Variants in FRMD4A observed in about 807,000 individuals in gnomAD.
FRMD4A encodes FERM domain containing 4A.
Under a neutral mutation model 129.1 loss-of-function variants are expected in FRMD4A, and 29 were observed. That is an observed-to-expected ratio of 0.22 (90% CI 0.17 to 0.31). The LOEUF (loss-of-function observed/expected upper bound fraction) is 0.31, where lower values mean the gene tolerates loss of function less well. Ranked by LOEUF, FRMD4A falls within the 10% of genes least tolerant of loss-of-function variation. The probability of loss-of-function intolerance (pLI) is 1.00; values close to 1 mark genes in which losing one functional copy is unlikely to be tolerated. For missense variants in FRMD4A, 1,272 were observed against 1,375.8 expected (o/e 0.92, Z 1.19); for synonymous variants, 634 against 571.6 (o/e 1.11, Z -1.56).
At chr10:13,814,510 A>AATTGAGGCT (rs1440516720) in intron 3 of FRMD4A, among the ~76,000 whole-genome samples, 1 of 143,612 alleles carries the variant, frequency 7.0e-6, no homozygotes, top group Non-Finnish European at 1.5e-5. Context: ...GAGTCCAGGA[A>AATTGAGGCT]ATTGAGGCTG....
intron 12 of FRMD4A, among the ~76,000 whole-genome samples, chr10:13,731,865 G>A (rs530716690): frequency 2.0e-5 from 3 of 152,102 alleles, no homozygotes; most frequent in South Asian, 2.1e-4. Context: ...AAATACTACC[G>A]AAGTTGGCCT....
intron 11 of FRMD4A, 141 bp from the exon 12 acceptor site, chr10:13,738,071 T>C (rs10906458): frequency 0.69 from 436,254 of 630,710 alleles, 155,584 homozygotes; most frequent in Non-Finnish European, 0.75. Flanking sequence ...CTACTTTGTT[T>C]CTTAACAGAT....
intron 2 of FRMD4A, among the ~76,000 whole-genome samples, chr10:14,308,289 T>G (rs1236358706): frequency 6.6e-6 from 1 of 152,216 alleles, no homozygotes; most frequent in African/African-American, 2.4e-5. Flanking sequence ...TTTAAATGAC[T>G]TTGGGAAGTG....
At chr10:14,104,424 A>G (rs948988414) in intron 2 of FRMD4A, among the ~76,000 whole-genome samples, 2 of 152,236 alleles carry the variant, frequency 1.3e-5, no homozygotes, top group Non-Finnish European at 1.5e-5. Flanking sequence ...CTCTGCGCAT[A>G]TAATTGCTCA....
At chr10:14,178,629 G>A (rs1346619938) in intron 2 of FRMD4A, among the ~76,000 whole-genome samples, 1 of 152,124 alleles carries the variant, frequency 6.6e-6, no homozygotes, top group Admixed American at 6.5e-5. Flanking sequence ...AAGAATAATT[G>A]TCAGATCATT....
intron 2 of FRMD4A, among the ~76,000 whole-genome samples, chr10:14,153,992 G>C (rs936887971): frequency 6.6e-6 from 1 of 152,104 alleles, no homozygotes. Context: ...ACGGGGTCGC[G>C]GCTTCCTGCT....
At chr10:13,829,540 G>A (rs958723741) in intron 3 of FRMD4A, among the ~76,000 whole-genome samples, 2 of 152,146 alleles carry the variant, frequency 1.3e-5, no homozygotes, top group Admixed American at 6.6e-5. Flanking sequence ...CTGTTCCCAC[G>A]TCCAAGCCCT....
intron 6 of FRMD4A, among the ~76,000 whole-genome samples, chr10:13,781,154 A>G (rs1433429187): frequency 6.6e-6 from 1 of 151,746 alleles, no homozygotes; most frequent in Non-Finnish European, 1.5e-5. Context: ...AAATACAAAA[A>G]TTAGCTGGGT....
intron 12 of FRMD4A, among the ~76,000 whole-genome samples, chr10:13,727,424 A>G (rs2089976390): frequency 6.6e-6 from 1 of 152,076 alleles, no homozygotes; most frequent in East Asian, 1.9e-4. Flanking sequence ...GGATCTAATG[A>G]TTGGTTAATG....
intron 2 of FRMD4A, among the ~76,000 whole-genome samples, chr10:14,062,846 A>C (rs1588893773): frequency 6.6e-6 from 1 of 152,304 alleles, no homozygotes; most frequent in East Asian, 1.9e-4. Context: ...AGATCATGCC[A>C]TTGCACTCCA....
At chr10:13,897,608 T>G (rs1437096352) in intron 2 of FRMD4A, among the ~76,000 whole-genome samples, 2 of 152,210 alleles carry the variant, frequency 1.3e-5, no homozygotes, top group African/African-American at 4.8e-5. Context: ...AGTTGGGAGC[T>G]AAATTCTAAG....
intron 12 of FRMD4A, among the ~76,000 whole-genome samples, chr10:13,727,487 C>T (rs1298460187): frequency 6.6e-6 from 1 of 152,144 alleles, no homozygotes; most frequent in African/African-American, 2.4e-5. Flanking sequence ...ATGGCGGTGG[C>T]TCCGGGGTCA....
At chr10:14,049,445 A>C in intron 2 of FRMD4A, among the ~76,000 whole-genome samples, 1 of 152,190 alleles carries the variant, frequency 6.6e-6, no homozygotes, top group East Asian at 1.9e-4. Context: ...CCTTTTAAAA[A>C]CTGGAATTCC....
intron 2 of FRMD4A, among the ~76,000 whole-genome samples, chr10:14,038,660 T>C (rs1016471317): frequency 7.2e-5 from 11 of 152,170 alleles, no homozygotes; most frequent in Non-Finnish European, 1.0e-4. Flanking sequence ...ACTAATCTCA[T>C]AGACGATCAG....
intron 2 of FRMD4A, among the ~76,000 whole-genome samples, chr10:14,230,306 T>C (rs1289762156): frequency 6.6e-6 from 1 of 152,244 alleles, no homozygotes; most frequent in Non-Finnish European, 1.5e-5. Context: ...ACGTGGAATC[T>C]GGTTCCTGTA....
intron 2 of FRMD4A, among the ~76,000 whole-genome samples, chr10:14,054,111 G>T (rs1225033198): frequency 6.6e-6 from 1 of 152,110 alleles, no homozygotes; most frequent in Non-Finnish European, 1.5e-5. Context: ...GCTGCAGTGA[G>T]CTCTGATCGC....
chr10:14,126,954 T>C (rs1218982968), intron 2 of FRMD4A, among the ~76,000 whole-genome samples: 2 of 152,196 alleles, frequency 1.3e-5, no homozygotes, highest in Middle Eastern at 3.4e-3. Flanking sequence ...TTGACAAATA[T>C]TTGAGTGGCA....
chr10:13,988,161 C>T (rs7921866), intron 2 of FRMD4A, among the ~76,000 whole-genome samples: 48,435 of 152,106 alleles, frequency 0.32, 8,490 homozygotes, highest in East Asian at 0.72. Context: ...CAATATGCCT[C>T]GTATCCATGC....
intron 2 of FRMD4A, among the ~76,000 whole-genome samples, chr10:14,122,854 A>G (rs1838608832): frequency 1.3e-5 from 2 of 152,194 alleles, no homozygotes; most frequent in Admixed American, 1.3e-4. Flanking sequence ...TATAGTGATG[A>G]GATGGGGATA....
Sources: gnomAD v4.1 joint callset for allele counts (sites outside exome capture counted in the v4.1 genomes callset) on GRCh38, gnomAD v4.1.1 for gene constraint, MANE v1.5 for transcripts, NCBI Gene and HGNC (gene_info 2026-07-23, HGNC 2026-07-21) for gene names.